Variants in OPCML observed in about 807,000 individuals in gnomAD.
The protein encoded by OPCML is opioid-binding protein/cell adhesion molecule.
OPCML carries 13 observed loss-of-function variants against 37.8 expected under a neutral mutation model. That is an observed-to-expected ratio of 0.34 (90% CI 0.22 to 0.55). OPCML has a LOEUF of 0.55. Among genes scored for constraint, OPCML ranks in the 20% least tolerant of loss-of-function variants. The pLI is 0.91. For synonymous variants in OPCML, 176 were observed against 168.8 expected (o/e 1.04, Z -0.33); for missense variants, 341 against 435.6 (o/e 0.78, Z 1.93).
intron 1 of OPCML, among the ~76,000 whole-genome samples, chr11:133,348,888 G>C (rs1944063944): frequency 6.6e-6 from 1 of 152,130 alleles, no homozygotes; most frequent in African/African-American, 2.4e-5. Context: ...GACATTTAAG[G>C]AATCTGCAGT....
At chr11:132,942,715 A>G (rs1386984256) in intron 2 of OPCML, among the ~76,000 whole-genome samples, 1 of 152,196 alleles carries the variant, frequency 6.6e-6, no homozygotes, top group African/African-American at 2.4e-5. Flanking sequence ...AGGTTCACGC[A>G]TAAGATCCTG....
chr11:132,938,661 G>A (rs1355966263), intron 2 of OPCML, among the ~76,000 whole-genome samples: 1 of 152,154 alleles, frequency 6.6e-6, no homozygotes, highest in Non-Finnish European at 1.5e-5. Context: ...TCAAGGCCGT[G>A]GAGTTAGTGA....
At chr11:132,841,415 T>A (rs911441048) in intron 2 of OPCML, among the ~76,000 whole-genome samples, 1 of 152,168 alleles carries the variant, frequency 6.6e-6, no homozygotes. Context: ...TCTAGCCCAC[T>A]GTAGAGGGCC....
At chr11:132,700,202 TA>T (rs1164305791) in intron 2 of OPCML, among the ~76,000 whole-genome samples, 1 of 152,078 alleles carries the variant, frequency 6.6e-6, no homozygotes, top group Non-Finnish European at 1.5e-5. Flanking sequence ...TTTTTTTTCT[TA>T]GTCTAGCTAA....
chr11:133,197,478 C>T (rs539188380), intron 1 of OPCML, among the ~76,000 whole-genome samples: 5 of 152,200 alleles, frequency 3.3e-5, no homozygotes, highest in Non-Finnish European at 7.3e-5. Context: ...TGCCATAATG[C>T]TAAGCCTGCT....
At chr11:133,465,383 G>C (rs1443931346) in intron 1 of OPCML, among the ~76,000 whole-genome samples, 2 of 152,154 alleles carry the variant, frequency 1.3e-5, no homozygotes, top group Non-Finnish European at 2.9e-5. Flanking sequence ...TGTCATGTAA[G>C]ACAGTTCACA....
At chr11:132,486,048 C>T (rs1017532040) in intron 4 of OPCML, among the ~76,000 whole-genome samples, 2 of 152,158 alleles carry the variant, frequency 1.3e-5, no homozygotes, top group Admixed American at 1.3e-4. Flanking sequence ...GCCTCTTTGT[C>T]AACACTTAGT....
At chr11:132,781,926 C>CTA (rs1353825177) in intron 2 of OPCML, among the ~76,000 whole-genome samples, 5 of 132,990 alleles carry the variant, frequency 3.8e-5, no homozygotes, top group Non-Finnish European at 7.8e-5. Flanking sequence ...GCTGTTTCTG[C>CTA]TATATATATA....
chr11:133,027,980 T>C (rs886639187), intron 1 of OPCML, among the ~76,000 whole-genome samples: 7 of 151,788 alleles, frequency 4.6e-5, no homozygotes. Flanking sequence ...CTACATGTAG[T>C]GAATAAATAT....
intron 1 of OPCML, among the ~76,000 whole-genome samples, chr11:132,962,347 G>GA (rs1192512818): frequency 6.6e-6 from 1 of 152,180 alleles, no homozygotes; most frequent in Admixed American, 6.5e-5. Flanking sequence ...CCATCATGAT[G>GA]AAGACAGCAT....
chr11:133,489,297 G>T (rs1947600588), intron 1 of OPCML, among the ~76,000 whole-genome samples: 1 of 150,524 alleles, frequency 6.6e-6, no homozygotes, highest in South Asian at 2.1e-4. Flanking sequence ...ACCACCTAAA[G>T]AACGGTTTAA....
chr11:132,972,844 C>T lies in OPCML; in HGVS notation c.62-29834G>A, dbSNP rs185152309. Among the ~76,000 whole-genome samples, 3 of 152,268 alleles carry T rather than the reference C, an allele frequency of 2.0e-5. No homozygotes were observed. In the East Asian group the frequency reaches 5.8e-4, roughly 30 times the overall value. On this transcript the variant is annotated intron_variant, in intron 1 of 7. Coordinates refer to ENST00000524381, the MANE Select transcript of OPCML (RefSeq NM_001012393.5). Reference sequence around the variant, plus strand: ...TCCCTCTGCTTGAGGCCCTGAGAGGCTGGCTGTACTCATTCCACAGACCAG... The same window carrying T: ...TCCCTCTGCTTGAGGCCCTGAGAGGTTGGCTGTACTCATTCCACAGACCAG...
chr11:133,506,059 T>A (rs1005556699), intron 1 of OPCML, among the ~76,000 whole-genome samples: 1 of 152,334 alleles, frequency 6.6e-6, no homozygotes, highest in African/African-American at 2.4e-5. Flanking sequence ...AATAATAATG[T>A]CTTACATTAG....
intron 2 of OPCML, among the ~76,000 whole-genome samples, chr11:132,939,345 G>T (rs1341112992): frequency 1.3e-5 from 2 of 152,080 alleles, no homozygotes; most frequent in Non-Finnish European, 2.9e-5. Context: ...CAAATACTTG[G>T]TTTTGAATGG....
chr11:132,751,401 G>A (rs1348114351), intron 2 of OPCML, among the ~76,000 whole-genome samples: 1 of 152,154 alleles, frequency 6.6e-6, no homozygotes, highest in Non-Finnish European at 1.5e-5. Context: ...TCAGAAACTT[G>A]ATTATAAGTG....
intron 1 of OPCML, chr11:133,298,639 A>G (rs1942695778): frequency 6.6e-6 from 1 of 152,178 alleles, no homozygotes; most frequent in Non-Finnish European, 1.5e-5. Context: ...AAAAAACTAT[A>G]AAGAAAACAT....
At chr11:133,031,264 T>C (rs560117239) in intron 1 of OPCML, among the ~76,000 whole-genome samples, 76 of 150,322 alleles carry the variant, frequency 5.1e-4, no homozygotes, top group Admixed American at 2.6e-3. Flanking sequence ...GGTAGACAGG[T>C]TAAATAAGTG....
chr11:133,082,101 G>T (rs1354258158), intron 1 of OPCML, among the ~76,000 whole-genome samples: 1 of 151,936 alleles, frequency 6.6e-6, no homozygotes. Context: ...GGGTGACCCG[G>T]GCCCAGAGCA....
chr11:132,716,998 C>A (rs944481465), intron 2 of OPCML, among the ~76,000 whole-genome samples: 1 of 152,096 alleles, frequency 6.6e-6, no homozygotes, highest in South Asian at 2.1e-4. Context: ...TTCAACTTTC[C>A]TTACTCATGA....
Sources: allele counts gnomAD v4.1 joint callset (sites outside exome capture counted in the v4.1 genomes callset), GRCh38; gene constraint gnomAD v4.1.1; transcripts MANE v1.5; gene names NCBI Gene and HGNC (gene_info 2026-07-23, HGNC 2026-07-21).